RXRA: variants seen among roughly 807,000 people sequenced by gnomAD.
RXRA encodes retinoid X receptor alpha, also known as retinoic acid receptor RXR-alpha.
In RXRA, 5 loss-of-function variants were observed where a neutral mutation model predicts 44.5. The ratio of observed to expected loss-of-function variants is 0.11; its 90% CI spans 0.06 to 0.24. The LOEUF (loss-of-function observed/expected upper bound fraction) is 0.24. Among genes scored for constraint, RXRA ranks in the 10% least tolerant of loss-of-function variants. The pLI, the probability that RXRA is intolerant of heterozygous loss-of-function variation, is 1.00. For synonymous variants in RXRA, 291 were observed against 271.4 expected (o/e 1.07, Z -0.71); for missense variants, 412 against 646.5 (o/e 0.64, Z 3.93).
intron 1 of RXRA, among the ~76,000 whole-genome samples, chr9:134,377,249 CA>C (rs2119093711): frequency 6.6e-6 from 1 of 152,324 alleles, no homozygotes; most frequent in South Asian, 2.1e-4. Flanking sequence ...CCGCCAGCCC[CA>C]GGGGTGTTGG....
At chr9:134,435,161 CAG>C (rs1831596953) in intron 9 of RXRA, among the ~76,000 whole-genome samples, 1 of 152,230 alleles carries the variant, frequency 6.6e-6, no homozygotes, top group Admixed American at 6.5e-5. Context: ...CAGCCAACCA[CAG>C]AGCTTTTCCC....
At chr9:134,385,309 A>G (rs1304755467) in intron 1 of RXRA, among the ~76,000 whole-genome samples, 1 of 152,228 alleles carries the variant, frequency 6.6e-6, no homozygotes, top group Non-Finnish European at 1.5e-5. Context: ...GTGCCTTGGA[A>G]GAAAGCCCTC....
At chr9:134,372,666 C>T (rs1446042098) in intron 1 of RXRA, among the ~76,000 whole-genome samples, 1 of 152,200 alleles carries the variant, frequency 6.6e-6, no homozygotes, top group African/African-American at 2.4e-5. Flanking sequence ...CGCCTTGGGG[C>T]CCCCAGCAGG....
intron 1 of RXRA, among the ~76,000 whole-genome samples, chr9:134,340,639 A>G (rs1197703658): frequency 6.6e-6 from 1 of 152,082 alleles, no homozygotes; most frequent in African/African-American, 2.4e-5. Context: ...ATGAGCCTCG[A>G]TGCACGCCTC....
chr9:134,422,526 C>A, intron 6 of RXRA: 1 of 1,224,836 alleles, frequency 8.2e-7, no homozygotes, highest in Non-Finnish European at 1.1e-6. Flanking sequence ...GGACACTCCC[C>A]CCTTCCGGGA....
At chr9:134,361,166 G>A (rs1021323959) in intron 1 of RXRA, among the ~76,000 whole-genome samples, 4 of 152,216 alleles carry the variant, frequency 2.6e-5, no homozygotes, top group African/African-American at 4.8e-5. Flanking sequence ...TGATCATTTT[G>A]CTAATTCCCT....
chr9:134,380,138 C>T lies in RXRA; in HGVS notation c.29-21494C>T, dbSNP rs558482883. ...CCAAGTGTGGCCTTGGCACTGCCAC[C>T]GTCCACCAGCGGCAAGTCAGGGCAG... On this transcript the variant is annotated intron_variant, in intron 1 of 9. Transcript: ENST00000481739. 2.6e-4 allele frequency: 260 copies of T among 985,472 alleles called. No homozygotes were observed. The Middle Eastern group carries it at 5.8e-3, about 22-fold the overall frequency. The allele number at this position is 985,472 out of a possible 1,614,324, so 61.0% of individuals were successfully genotyped here.
chr9:134,429,254 C>A lies in RXRA; in HGVS notation c.1043+14C>A, dbSNP rs747918922. On this transcript the variant is annotated intron_variant, in intron 7 of 9. Transcript: ENST00000481739. ...CATCTTTGACAGGTGGGGGTGGTCC[C>A]GGGAGGGGCGAGGGCGCTTCGGTCA... 2.5e-6 allele frequency: 4 copies of A among 1,608,542 alleles called. No homozygotes were observed. In the East Asian group the frequency reaches 8.9e-5, roughly 36 times the overall value.
chr9:134,412,387 C>CTT (rs901458608), intron 4 of RXRA, among the ~76,000 whole-genome samples: 2 of 152,234 alleles, frequency 1.3e-5, no homozygotes, highest in African/African-American at 4.8e-5. Context: ...CAGTGCAGTG[C>CTT]TGCGAGGGAG....
intron 6 of RXRA, chr9:134,424,406 C>A (rs558762341): frequency 5.1e-6 from 5 of 985,336 alleles, no homozygotes; most frequent in South Asian, 4.7e-5. Context: ...CTGACCTCCC[C>A]CTGGGCGCCC....
intron 1 of RXRA, among the ~76,000 whole-genome samples, chr9:134,361,267 A>C (rs1049228829): frequency 1.3e-4 from 19 of 151,994 alleles, no homozygotes; most frequent in African/African-American, 4.4e-4. Flanking sequence ...TCCTCATTTC[A>C]CTGAGGGGTA....
intron 1 of RXRA, among the ~76,000 whole-genome samples, chr9:134,389,009 A>G (rs986784767): frequency 6.6e-6 from 1 of 151,892 alleles, no homozygotes; most frequent in African/African-American, 2.4e-5. Flanking sequence ...TGCCTCCTCC[A>G]GGGTGGCCTC....
At chr9:134,422,080 C>A in intron 6 of RXRA, 3 of 1,377,200 alleles carry the variant, frequency 2.2e-6, no homozygotes, top group Non-Finnish European at 2.9e-6. Flanking sequence ...GCTCCCCTCT[C>A]CCAGGACACT....
At chr9:134,364,232 G>A (rs10881582) in intron 1 of RXRA, among the ~76,000 whole-genome samples, 55,325 of 152,200 alleles carry the variant, frequency 0.36, 12,772 homozygotes, top group African/African-American at 0.66. Flanking sequence ...CATCAGGGAT[G>A]AGGTGCAAAA....
chr9:134,382,458 C>T (rs1178332075), intron 1 of RXRA, among the ~76,000 whole-genome samples: 1 of 152,064 alleles, frequency 6.6e-6, no homozygotes, highest in African/African-American at 2.4e-5. Context: ...GGTAGGAAGT[C>T]CTGCCCTTGC....
Position 134,437,883 on chromosome 9 carries a change from CT to C in RXRA, c.*1271del, listed in dbSNP as rs1379145048. On this transcript the variant is annotated 3_prime_UTR_variant, in exon 10 of 10. Transcript: ENST00000481739. ...ACGGACAGCGTTGTTCACCCAGAGC[CT>C]TACTTGGGAGCCTCACTGAACGCCT... 39 of 149,554 alleles carry C rather than the reference CT, an allele frequency of 2.6e-4. No homozygotes were observed. Among genetic ancestry groups the C allele is most frequent in the African/African-American group, 8.6e-4 (35 of 40,864 alleles). The allele number at this position is 149,554 out of a possible 1,614,324, so 9.3% of individuals were successfully genotyped here. A position where few individuals can be genotyped will look rare whatever the true frequency, so the allele number is the denominator to read the frequency against.
chr9:134,412,520 G>A lies in RXRA; in HGVS notation c.610+3401G>A, dbSNP rs1030719783. Among the ~76,000 whole-genome samples, 5 of 152,302 alleles carry A rather than the reference G, an allele frequency of 3.3e-5. No homozygotes were observed. In the South Asian group the frequency reaches 8.3e-4, roughly 25 times the overall value. ...GGCAGATGGGTTCCCACCCCTATGC[G>A]GTAGGATACCACAGGCTGATAGCAT... is the stretch of plus-strand genomic sequence containing the variant. On this transcript the variant is annotated intron_variant, in intron 4 of 9. Coordinates refer to ENST00000481739, the MANE Select transcript of RXRA (RefSeq NM_002957.6).
intron 4 of RXRA, 152 bp downstream of exon 4, chr9:134,409,271 C>CGCGTGGGCACACGTGCGGCCCAGA: frequency 2.7e-6 from 2 of 751,470 alleles, no homozygotes; most frequent in Non-Finnish European, 2.0e-6. Context: ...CGGGGCCCAG[C>CGCGTGGGCACACGTGCGGCCCAGA]GCGTGGGCAC....
In RXRA at chr9:134,404,094, G is replaced by A. The variant is rs562696436; in HGVS notation, c.279+2212G>A. On this transcript the variant is annotated intron_variant, in intron 2 of 9. Transcript: ENST00000481739. ...TCACATTCATGGGAGTGTGAGCAGG[G>A]TTTCAGGAGGGATGTGCCCCCACTC... 24 of 152,384 alleles carry A rather than the reference G, an allele frequency of 1.6e-4. No homozygotes were observed. In the East Asian group the frequency reaches 4.2e-3, roughly 27 times the overall value. 9.4% of individuals were successfully genotyped at this position (152,384 alleles called of 1,614,324 possible).
Sources: allele counts gnomAD v4.1 joint callset (sites outside exome capture counted in the v4.1 genomes callset), GRCh38; gene constraint gnomAD v4.1.1; transcripts MANE v1.5; gene names NCBI Gene and HGNC (gene_info 2026-07-23, HGNC 2026-07-21).